Variants in RAB3IP observed in about 807,000 individuals in gnomAD.
RAB3IP encodes rab-3A-interacting protein.
A neutral mutation model predicts 59.1 loss-of-function variants in RAB3IP; 36 were observed. That is an observed-to-expected ratio of 0.61 (90% CI 0.47 to 0.80). The LOEUF is 0.80. RAB3IP is among the 30% of genes least tolerant of loss of function. The pLI is 0.00. For synonymous variants in RAB3IP, 207 were observed against 191.2 expected (o/e 1.08, Z -0.68); for missense variants, 511 against 536.0 (o/e 0.95, Z 0.46).
intron 8 of RAB3IP, among the ~76,000 whole-genome samples, chr12:69,810,494 C>A (rs1041614191): frequency 6.6e-6 from 1 of 152,174 alleles, no homozygotes; most frequent in African/African-American, 2.4e-5. Context: ...TGGAGCTGTT[C>A]CTATTCGGCC....
At chr12:69,766,604 T>G (rs921994073) in intron 3 of RAB3IP, among the ~76,000 whole-genome samples, 1 of 151,898 alleles carries the variant, frequency 6.6e-6, no homozygotes, top group African/African-American at 2.4e-5. Context: ...CACTGCAACC[T>G]CCGCTTCCCA....
At chr12:69,812,711 A>G in intron 8 of RAB3IP, 67 bp from the exon 9 acceptor site, 1 of 1,024,434 alleles carries the variant, frequency 9.8e-7, no homozygotes, top group Non-Finnish European at 1.5e-6. Context: ...TGAATAGGCA[A>G]CTTGTACAGA....
intron 1 of RAB3IP, 39 bp downstream of exon 1, chr12:69,739,070 AGCACCGCCCCCCTCGGC>A (rs1886976496): frequency 6.6e-6 from 1 of 151,832 alleles, no homozygotes; most frequent in Non-Finnish European, 1.5e-5. Flanking sequence ...CGGAGCGTAG[AGCACCGCCCCCCTCGGC>A]GCCCGCGCGC....
intron 4 of RAB3IP, among the ~76,000 whole-genome samples, chr12:69,788,948 C>T (rs1876171195): frequency 1.3e-5 from 2 of 152,030 alleles, no homozygotes; most frequent in South Asian, 4.1e-4. Context: ...TTTTGAACAA[C>T]CTTTGAGTCA....
intron 1 of RAB3IP, among the ~76,000 whole-genome samples, chr12:69,741,160 G>A (rs1459292160): frequency 1.3e-5 from 2 of 152,250 alleles, no homozygotes; most frequent in African/African-American, 4.8e-5. Flanking sequence ...GAAGGAACCA[G>A]TGTGAGCTTG....
At chr12:69,760,164 G>A (rs528780206) in intron 3 of RAB3IP, among the ~76,000 whole-genome samples, 134 of 152,378 alleles carry the variant, frequency 8.8e-4, no homozygotes, top group Non-Finnish European at 1.6e-3. Context: ...GATCACTCAC[G>A]GTTAGGAGCT....
intron 3 of RAB3IP, among the ~76,000 whole-genome samples, chr12:69,761,327 T>C (rs1871273741): frequency 6.6e-6 from 1 of 152,232 alleles, no homozygotes; most frequent in Non-Finnish European, 1.5e-5. Context: ...TTATTTCATC[T>C]CTTCAGATAA....
intron 1 of RAB3IP, chr12:69,739,766 G>A (rs1006068885): frequency 6.5e-7 from 1 of 1,537,248 alleles, no homozygotes; most frequent in Non-Finnish European, 9.0e-7. Context: ...CGCCCCGACC[G>A]CCCAGGAAGC....
chr12:69,785,523 C>G (rs1336853354), intron 4 of RAB3IP, among the ~76,000 whole-genome samples: 2 of 152,094 alleles, frequency 1.3e-5, no homozygotes, highest in Non-Finnish European at 2.9e-5. Context: ...TGGTGCACTT[C>G]CAGTCCAACT....
In RAB3IP at chr12:69,812,803, A is replaced by G; in HGVS notation, c.1156A>G (p.Lys386Glu). 6.2e-7 allele frequency: 1 copy of G among 1,612,714 alleles called. No homozygotes were observed. The highest frequency in any genetic ancestry group is 8.5e-7 in the Non-Finnish European group (1 of 1,178,924). The change falls in exon 9 of 11, where the codon AAG becomes GAG. Residue 386 changes from lysine (K) to glutamate (E), a missense_variant. By Grantham distance (56) the Lys-to-Glu change is moderately conservative. Coordinates refer to ENST00000247833, the MANE Select transcript of RAB3IP (RefSeq NM_022456.5). ...AAAATGTGCTCTCACTGGCCAGAGT[A>G]AGTCCTGTAAACACAGAATTAAATT... is the stretch of plus-strand genomic sequence containing the variant. ...PKKCALTGQSKSCKHRIKLGD... is the reference protein window; with the variant it reads ...PKKCALTGQSESCKHRIKLGD...
At chr12:69,788,594 AATAC>A (rs1177183040) in intron 4 of RAB3IP, among the ~76,000 whole-genome samples, 2 of 152,132 alleles carry the variant, frequency 1.3e-5, no homozygotes, top group African/African-American at 2.4e-5. Context: ...CTGATACAGT[AATAC>A]ATTAATAATA....
At chr12:69,768,522 G>A (rs1214012191) in intron 3 of RAB3IP, among the ~76,000 whole-genome samples, 1 of 152,172 alleles carries the variant, frequency 6.6e-6, no homozygotes, top group Non-Finnish European at 1.5e-5. Flanking sequence ...TCAGGCTGCT[G>A]GGCCAGGCAG....
intron 3 of RAB3IP, among the ~76,000 whole-genome samples, chr12:69,772,112 A>G (rs1000917732): frequency 6.6e-6 from 1 of 152,208 alleles, no homozygotes; most frequent in South Asian, 2.1e-4. Flanking sequence ...TGTAAGGTGC[A>G]TATATATTTA....
At chr12:69,743,306 A>G (rs1427594852) in intron 1 of RAB3IP, among the ~76,000 whole-genome samples, 2 of 152,362 alleles carry the variant, frequency 1.3e-5, no homozygotes, top group Admixed American at 6.5e-5. Flanking sequence ...TGAAAAAACA[A>G]TAAGCAAATT....
intron 1 of RAB3IP, among the ~76,000 whole-genome samples, chr12:69,750,552 T>G (rs1047870121): frequency 2.6e-5 from 4 of 151,564 alleles, no homozygotes; most frequent in Non-Finnish European, 5.9e-5. Flanking sequence ...CGTTTTTTTT[T>G]TTTTTTTTTT....
intron 3 of RAB3IP, among the ~76,000 whole-genome samples, chr12:69,780,444 A>C (rs1319041878): frequency 1.3e-5 from 2 of 152,166 alleles, no homozygotes; most frequent in African/African-American, 4.8e-5. Context: ...GAGGCTGGCA[A>C]ACCCACCAGG....
intron 6 of RAB3IP, among the ~76,000 whole-genome samples, chr12:69,798,699 G>A (rs1390779242): frequency 2.0e-5 from 3 of 152,106 alleles, no homozygotes; most frequent in Admixed American, 6.5e-5. Context: ...ATTGATTTTT[G>A]TATAAGGTAT....
intron 8 of RAB3IP, among the ~76,000 whole-genome samples, chr12:69,809,094 G>A (rs1356055962): frequency 4.7e-5 from 7 of 150,364 alleles, no homozygotes; most frequent in African/African-American, 1.7e-4. Flanking sequence ...GGGCAGGCCT[G>A]GTGGTGACAA....
At chr12:69,745,041 A>G (rs1475341942) in intron 1 of RAB3IP, among the ~76,000 whole-genome samples, 1 of 152,150 alleles carries the variant, frequency 6.6e-6, no homozygotes, top group Admixed American at 6.5e-5. Context: ...AATTATGGAG[A>G]GTTTCAAATA....
Sources: gnomAD v4.1 joint callset for allele counts (sites outside exome capture counted in the v4.1 genomes callset) on GRCh38, gnomAD v4.1.1 for gene constraint, MANE v1.5 for transcripts, NCBI Gene and HGNC (gene_info 2026-07-23, HGNC 2026-07-21) for gene names.